The following ADGRG1 variants were observed in gnomAD, a reference collection of about 807,000 sequenced individuals.
ADGRG1 encodes the protein 7-transmembrane protein with no EGF-like N-terminal domains-1.
ADGRG1 carries 53 observed loss-of-function variants against 73.5 expected under a neutral mutation model. That is an observed-to-expected ratio of 0.72 (90% CI 0.58 to 0.91). The LOEUF is 0.91. ADGRG1 is among the 40% of genes least tolerant of loss of function. The pLI is 0.00. For synonymous variants in ADGRG1, 394 were observed against 374.4 expected (o/e 1.05, Z -0.60); for missense variants, 795 against 871.8 (o/e 0.91, Z 1.11).
At chr16:57,655,781 G>A in intron 6 of ADGRG1, 95 bp from the exon 7 acceptor site, 2 of 1,612,612 alleles carry the variant, frequency 1.2e-6, no homozygotes. Flanking sequence ...AATGTGCTGG[G>A]AGAGGGTTAT....
chr16:57,632,010 G>A, intron 1 of ADGRG1: 1 of 985,474 alleles, frequency 1.0e-6, no homozygotes. Flanking sequence ...GTTCCCTGAT[G>A]GCTCAGCCTG....
intron 1 of ADGRG1, chr16:57,636,154 G>T: frequency 1.0e-6 from 1 of 985,352 alleles, no homozygotes; most frequent in Non-Finnish European, 1.2e-6. Flanking sequence ...ACTTTTCTTT[G>T]CACATCTGCT....
chr16:57,628,955 AGTGT>A (rs1165432523), intron 1 of ADGRG1, 153 bp downstream of exon 1: 10 of 613,544 alleles, frequency 1.6e-5, no homozygotes, highest in Non-Finnish European at 1.9e-5. Flanking sequence ...AGAGTGTGAG[AGTGT>A]GTGAGTGTGA....
At chr16:57,629,031 TGA>T (rs72205886) in intron 1 of ADGRG1, 60,259 of 500,386 alleles carry the variant, frequency 0.12, 5,455 homozygotes, top group African/African-American at 0.19. Flanking sequence ...CGTTTGAGTG[TGA>T]GAGTGTGAGT....
chr16:57,633,445 T>G (rs1345023077), intron 1 of ADGRG1: 1 of 985,224 alleles, frequency 1.0e-6, no homozygotes, highest in Admixed American at 6.1e-5. Flanking sequence ...TCATAGGGGC[T>G]CATGAGACGC....
chr16:57,659,045 C>A (rs1392204703), intron 10 of ADGRG1: 2 of 985,090 alleles, frequency 2.0e-6, no homozygotes, highest in Non-Finnish European at 2.4e-6. Flanking sequence ...GTTGTGCAGA[C>A]AGACGGGAAG....
chr16:57,623,317 C>A, upstream of ADGRG1: 1 of 769,532 alleles, frequency 1.3e-6, no homozygotes, highest in South Asian at 5.9e-5. Context: ...AGTGCCTCCT[C>A]CCTGACCACA....
chr16:57,653,119 T>C (rs1396020366), intron 3 of ADGRG1, 84 bp from the exon 4 acceptor site: 14 of 1,596,312 alleles, frequency 8.8e-6, no homozygotes, highest in African/African-American at 8.0e-5. Context: ...TTCAGAGTCA[T>C]GTCAGGGTGG....
At chr16:57,659,367 T>G in intron 10 of ADGRG1, 46 bp from the exon 11 acceptor site, 1 of 1,612,044 alleles carries the variant, frequency 6.2e-7, no homozygotes, top group Non-Finnish European at 8.5e-7. Context: ...CACACTCCCC[T>G]CTCTACCTTC....
At chr16:57,631,995 C>T (rs2038080262) in intron 1 of ADGRG1, 3 of 985,494 alleles carry the variant, frequency 3.0e-6, no homozygotes, top group Non-Finnish European at 3.6e-6. Context: ...CCCAAACTCT[C>T]CCTGGTTCCC....
upstream of ADGRG1, among the ~76,000 whole-genome samples, chr16:57,624,954 C>T (rs572755056): frequency 1.3e-5 from 2 of 152,064 alleles, no homozygotes; most frequent in African/African-American, 2.4e-5. Flanking sequence ...ACTTGGCAGG[C>T]GAGGAGATAA....
intron 10 of ADGRG1, among the ~76,000 whole-genome samples, chr16:57,658,537 A>G (rs2046304031): frequency 6.6e-6 from 1 of 152,228 alleles, no homozygotes; most frequent in Non-Finnish European, 1.5e-5. Flanking sequence ...GTGTGTGCCT[A>G]TATGACTGTC....
intron 1 of ADGRG1, chr16:57,631,316 C>T: frequency 2.0e-6 from 2 of 985,776 alleles, no homozygotes; most frequent in Non-Finnish European, 2.4e-6. Context: ...GCGGACCGTC[C>T]TCCAGCCGGA....
chr16:57,623,322 AC>A, upstream of ADGRG1: 1 of 745,750 alleles, frequency 1.3e-6, no homozygotes, highest in Non-Finnish European at 1.6e-6. Context: ...CTCCTCCCTG[AC>A]CACAAGCTCC....
chr16:57,655,305 C>T lies in ADGRG1; in HGVS notation c.769-94C>T, dbSNP rs191753250. The T allele has an allele frequency of 4.4e-5, 70 of 1,582,052 alleles. No individual in the cohort carries two copies. In the East Asian group the frequency reaches 1.4e-3, roughly 32 times the overall value. On this transcript the variant is annotated intron_variant, in intron 5 of 13. Coordinates refer to ENST00000562631, the MANE Select transcript of ADGRG1 (RefSeq NM_201525.4). ...GAAATGGGCTTAGAAGTGGCAGCGT[C>T]CAGGAACGGATGGGTGTGTGTGTGT...
intron 11 of ADGRG1, among the ~76,000 whole-genome samples, chr16:57,659,918 G>A (rs1368322254): frequency 6.6e-6 from 1 of 152,166 alleles, no homozygotes; most frequent in Non-Finnish European, 1.5e-5. Flanking sequence ...ATTGCAAAGG[G>A]GATTTACGAG....
At chr16:57,636,356 C>T (rs2039365509) in intron 1 of ADGRG1, 16 of 985,406 alleles carry the variant, frequency 1.6e-5, no homozygotes, top group Non-Finnish European at 1.9e-5. Context: ...GGCATGCGCT[C>T]CCAGGCTTCC....
Position 57,653,244 on chromosome 16 carries a change from T to A in ADGRG1, c.529T>A (p.Cys177Ser). 1.2e-6 allele frequency: 2 copies of A among 1,612,332 alleles called. No homozygotes were observed. The highest frequency in any genetic ancestry group is 1.7e-6 in the Non-Finnish European group (2 of 1,179,970). Residue 177 changes from cysteine (C) to serine (S), a missense_variant, in exon 4 of 14, where the codon TGC becomes AGC. Physicochemically the swap from Cys to Ser is moderately radical, Grantham distance 112. Transcript: ENST00000562631. ...CGCTCACAATGCCTCGGTGGACATG[T>A]GCGAGCTCAAAAGGGACCTCCAGCT... ...TAAHNASVDMCELKRDLQLLS... is the reference protein window; with the variant it reads ...TAAHNASVDMSELKRDLQLLS...
intron 2 of ADGRG1, chr16:57,622,215 C>CTA (rs1346817855): frequency 6.6e-6 from 1 of 152,012 alleles, no homozygotes; most frequent in Non-Finnish European, 1.5e-5. Flanking sequence ...CAGAGGCTCT[C>CTA]TAAGATAGGC....
Sources: gnomAD v4.1 joint callset for allele counts (sites outside exome capture counted in the v4.1 genomes callset) on GRCh38, gnomAD v4.1.1 for gene constraint, MANE v1.5 for transcripts, NCBI Gene and HGNC (gene_info 2026-07-23, HGNC 2026-07-21) for gene names.